Variants in ZNF536 observed in about 807,000 individuals in gnomAD.
ZNF536 encodes the protein zinc finger protein 536.
A neutral mutation model predicts 84.5 loss-of-function variants in ZNF536; 13 were observed. The ratio of observed to expected loss-of-function variants is 0.15; its 90% CI spans 0.10 to 0.24. The LOEUF (loss-of-function observed/expected upper bound fraction) is 0.24. Ranked by LOEUF, ZNF536 falls within the 10% of genes least tolerant of loss-of-function variation. ZNF536 has a pLI of 1.00. For synonymous variants in ZNF536, 811 were observed against 742.5 expected (o/e 1.09, Z -1.50); for missense variants, 1,536 against 1,747.5 (o/e 0.88, Z 2.16).
Position 30,444,264 on chromosome 19 carries a change from G to T in ZNF536, c.702G>T (p.Pro234=), listed in dbSNP as rs543321339. Residue 234 remains proline (P), a synonymous_variant, in exon 2 of 5, where the codon CCG becomes CCT. Transcript: ENST00000355537. ...CCCCGCCGCACGCCCAGCAGGCCCC[G>T]CTGGCCGCCTGCACCCTGGCCCTGC... is the stretch of plus-strand genomic sequence containing the variant. ...LKPPPHAQQA[P]LAACTLALQA... 10 of 1,553,676 alleles carry T rather than the reference G, an allele frequency of 6.4e-6. No homozygotes were observed. Among genetic ancestry groups the T allele is most frequent in the Non-Finnish European group, 8.6e-6 (10 of 1,156,896 alleles).
intron 1 of ZNF536, among the ~76,000 whole-genome samples, chr19:30,692,268 G>A (rs933197661): frequency 2.0e-5 from 3 of 152,230 alleles, no homozygotes; most frequent in African/African-American, 7.2e-5. Flanking sequence ...TTCATCATGT[G>A]CTGATGAGCA....
intron 1 of ZNF536, among the ~76,000 whole-genome samples, chr19:30,424,830 G>T (rs1285783142): frequency 1.3e-5 from 2 of 152,162 alleles, no homozygotes; most frequent in Non-Finnish European, 2.9e-5. Flanking sequence ...TGGGCAGGGT[G>T]AGAAATGCAT....
chr19:30,298,905 A>C (rs2046091027), intron 2 of ZNF536, among the ~76,000 whole-genome samples: 1 of 152,214 alleles, frequency 6.6e-6, no homozygotes, highest in African/African-American at 2.4e-5. Flanking sequence ...CCCGTAAGAG[A>C]AATTGGCCCT....
intron 1 of ZNF536, among the ~76,000 whole-genome samples, chr19:30,603,415 G>C (rs1428887950): frequency 6.6e-6 from 1 of 152,216 alleles, no homozygotes; most frequent in African/African-American, 2.4e-5. Context: ...TAGCACAGAT[G>C]TCTCACAACT....
chr19:30,660,030 C>T (rs2050068611), intron 1 of ZNF536, among the ~76,000 whole-genome samples: 1 of 151,882 alleles, frequency 6.6e-6, no homozygotes, highest in South Asian at 2.1e-4. Context: ...TTCATAAAGC[C>T]CCATCTATAC....
At chr19:30,650,903 T>C (rs2049677157) in intron 1 of ZNF536, among the ~76,000 whole-genome samples, 1 of 152,180 alleles carries the variant, frequency 6.6e-6, no homozygotes, top group Admixed American at 6.5e-5. Flanking sequence ...AAGGAGAGAA[T>C]GGAAGCATAT....
chr19:30,569,849 G>A (rs527597350), intron 1 of ZNF536, among the ~76,000 whole-genome samples: 1 of 152,160 alleles, frequency 6.6e-6, no homozygotes, highest in East Asian at 2.0e-4. Flanking sequence ...TGGGATTACA[G>A]AGCCACTGTA....
At chr19:30,435,987 C>G (rs1322608396) in intron 1 of ZNF536, among the ~76,000 whole-genome samples, 1 of 152,128 alleles carries the variant, frequency 6.6e-6, no homozygotes, top group East Asian at 1.9e-4. Context: ...TTGAAGTCAT[C>G]CAAAGTTTCC....
chr19:30,232,007 T>C (rs1259717600), intron 1 of ZNF536, among the ~76,000 whole-genome samples: 1 of 152,074 alleles, frequency 6.6e-6, no homozygotes, highest in African/African-American at 2.4e-5. Flanking sequence ...AAATGCATCT[T>C]CAGAATAGAG....
chr19:30,417,399 GA>G (rs1309431080), intron 1 of ZNF536, among the ~76,000 whole-genome samples: 1 of 151,774 alleles, frequency 6.6e-6, no homozygotes, highest in East Asian at 1.9e-4. Context: ...TATTCTATGT[GA>G]AAAAAACATC....
intron 1 of ZNF536, among the ~76,000 whole-genome samples, chr19:30,565,866 T>A (rs1293288552): frequency 6.6e-6 from 1 of 151,974 alleles, no homozygotes; most frequent in African/African-American, 2.4e-5. Context: ...GGGAGGGGAA[T>A]TCCCTGAGAC....
rs546695388 is a variant in ZNF536, at chr19:30,483,465, G to A, written c.2170+37733G>A. On this transcript the variant is annotated intron_variant, in intron 2 of 4. Coordinates refer to ENST00000355537, the MANE Select transcript of ZNF536 (RefSeq NM_014717.3). ...CTCCTGCCATGCTGCCTGGCGGGGT[G>A]AACAGACCCCACCCCACCCCACCCC... is the stretch of plus-strand genomic sequence containing the variant. Among the ~76,000 whole-genome samples the A allele has an allele frequency of 1.2e-3, 186 of 152,038 alleles. 1 individual carries two copies. The highest frequency in any genetic ancestry group is 4.3e-3 in the African/African-American group (180 of 41,472).
rs569922657 is a variant in ZNF536 at position 30,323,680 on chromosome 19, A to G, written c.-119-28688A>G. 1.6e-3 allele frequency among the ~76,000 whole-genome samples: 246 copies of G among 152,212 alleles called. 1 individual carries two copies. The highest frequency in any genetic ancestry group is 5.7e-3 in the African/African-American group (238 of 41,538). On this transcript the variant is annotated intron_variant, in intron 2 of 5. Transcript: ENST00000585628. ...AGGCAGGTGCTGTCTAGAGGAAGCC[A>G]TCCTCCTTCTCATGGTTGGGATGTC...
At chr19:30,576,426 CT>C (rs1185286802) in intron 1 of ZNF536, among the ~76,000 whole-genome samples, 2 of 152,224 alleles carry the variant, frequency 1.3e-5, no homozygotes, top group African/African-American at 4.8e-5. Flanking sequence ...AGCCCCACCC[CT>C]GTCCTTGACA....
chr19:30,695,643 T>C (rs1389788815), intron 1 of ZNF536, among the ~76,000 whole-genome samples: 1 of 151,986 alleles, frequency 6.6e-6, no homozygotes, highest in Non-Finnish European at 1.5e-5. Flanking sequence ...GGTGAGATAC[T>C]GCAGTGAGAA....
chr19:30,282,801 A>T (rs1600062338), intron 1 of ZNF536, among the ~76,000 whole-genome samples: 1 of 152,216 alleles, frequency 6.6e-6, no homozygotes, highest in African/African-American at 2.4e-5. Context: ...GCAAAAGATC[A>T]TCTGGTTCAG....
intron 1 of ZNF536, among the ~76,000 whole-genome samples, chr19:30,386,636 C>T (rs2049353760): frequency 6.6e-6 from 1 of 152,202 alleles, no homozygotes; most frequent in African/African-American, 2.4e-5. Flanking sequence ...CCTTGGCCTC[C>T]CAAAATGTTG....
intron 2 of ZNF536, among the ~76,000 whole-genome samples, chr19:30,313,295 C>G (rs1483276457): frequency 6.6e-6 from 1 of 152,212 alleles, no homozygotes; most frequent in East Asian, 1.9e-4. Flanking sequence ...TTTCCTGACA[C>G]AGCTGGCCCT....
At chr19:30,343,068 C>A (rs927288380) in intron 2 of ZNF536, among the ~76,000 whole-genome samples, 29 of 152,148 alleles carry the variant, frequency 1.9e-4, no homozygotes, top group Non-Finnish European at 2.9e-4. Context: ...TCTCTTGTCT[C>A]CCCCACCCTC....
Sources: gnomAD v4.1 joint callset for allele counts (sites outside exome capture counted in the v4.1 genomes callset) on GRCh38, gnomAD v4.1.1 for gene constraint, MANE v1.5 for transcripts, NCBI Gene and HGNC (gene_info 2026-07-23, HGNC 2026-07-21) for gene names.